Variants in POLA1 observed in about 807,000 individuals in gnomAD.
POLA1 encodes DNA polymerase alpha 1, catalytic subunit.
In POLA1, 15 loss-of-function variants were observed where a neutral mutation model predicts 124.0. The ratio of observed to expected loss-of-function variants is 0.12; its 90% confidence interval spans 0.08 to 0.19. The LOEUF is 0.19. Ranked by LOEUF, POLA1 falls within the 10% of genes least tolerant of loss-of-function variation. The pLI is 1.00. For missense variants in POLA1, 886 were observed against 1,103.4 expected, an observed-to-expected ratio of 0.80 and a Z score of 2.79; for synonymous variants, 408 against 389.4, an observed-to-expected ratio of 1.05 and a Z score of -0.56.
In POLA1 at chrX:24,971,527, C is replaced by T. The variant is rs181499134; in HGVS notation, c.4262-24278C>T. 3.6e-4 allele frequency among the ~76,000 whole-genome samples: 40 copies of T among 112,275 alleles called. No homozygotes were observed. The East Asian group carries it at 0.011, about 31-fold the overall frequency. ...GCTAGTGCAAAGCAACAAATCATAG[C>T]ATGGGCAGGGCAGGTTTTAAGAGTT... is the stretch of plus-strand genomic sequence containing the variant. On this transcript the variant is annotated intron_variant, in intron 36 of 36. Coordinates refer to ENST00000379068, the MANE Select transcript of POLA1 (RefSeq NM_001330360.2).
rs756421121 is a variant in POLA1 at position 24,930,557 on chromosome X, A to G, written c.4261+8A>G. 1.9e-6 allele frequency: 2 copies of G among 1,037,026 alleles called. No individual in the cohort carries two copies. The highest frequency in any genetic ancestry group is 4.4e-5 in the Admixed American group (2 of 45,848). The allele number at this position is 1,037,026 out of a possible 1,213,427, so 85.5% of individuals were successfully genotyped here. A position where few individuals can be genotyped will look rare whatever the true frequency, so the allele number is the denominator to read the frequency against. ...CTACCGATCATGAGAAAGGTACGTT[A>G]AAATACTGTAATTACCTTTGAGTTT... On this transcript the variant is annotated splice_region_variant and intron_variant, in intron 36 of 36. Transcript: ENST00000379068.
intron 20 of POLA1, 102 bp downstream of exon 20, chrX:24,739,652 T>C (rs1314629048): frequency 2.1e-6 from 1 of 478,140 alleles, no homozygotes; most frequent in Admixed American, 4.9e-5. Flanking sequence ...CCAGTGGTGT[T>C]GTAGAGGGGA....
rs768688546 is a variant in POLA1 at position 24,815,010 on chromosome X, A to T, written c.3328A>T (p.Ser1110Cys). The T allele has an allele frequency of 8.4e-7, 1 of 1,191,255 alleles. No individual in the cohort carries two copies. The highest frequency in any genetic ancestry group is 1.1e-6 in the Non-Finnish European group (1 of 884,056). The change falls in exon 30 of 37, where the codon AGC becomes TGC. Residue 1110 changes from serine to cysteine, a missense_variant. Physicochemically the swap from Ser to Cys is moderately radical, Grantham distance 112. Coordinates refer to ENST00000379068, the MANE Select transcript of POLA1 (RefSeq NM_001330360.2). Reference sequence around the variant, plus strand: ...GATTGGCCAGATTCTTTCTGATCAAAGCCGGGACACTATAGTGGAAAACAT... The same window carrying T: ...GATTGGCCAGATTCTTTCTGATCAATGCCGGGACACTATAGTGGAAAACAT... ...FVIGQILSDQ[S>C]RDTIVENIQK...
At chrX:24,971,318 G>A (rs919884235) in intron 36 of POLA1, among the ~76,000 whole-genome samples, 3 of 112,344 alleles carry the variant, frequency 2.7e-5, no homozygotes, top group African/African-American at 9.7e-5. Context: ...CCTGCTTTCA[G>A]TGCAGACTGT....
intron 30 of POLA1, among the ~76,000 whole-genome samples, chrX:24,815,540 G>A (rs1458524497): frequency 3.6e-5 from 4 of 111,657 alleles, no homozygotes; most frequent in Non-Finnish European, 7.5e-5. Flanking sequence ...CTTCACAGAT[G>A]GTGATTCTTT....
chrX:24,709,019 A>AC (rs1219753299), intron 4 of POLA1, among the ~76,000 whole-genome samples: 8 of 75,680 alleles, frequency 1.1e-4, no homozygotes, highest in East Asian at 4.4e-4. Context: ...AGGGGGGCTG[A>AC]CCCCCCCCAC....
At chrX:24,948,362 T>C (rs2047994027) in intron 36 of POLA1, among the ~76,000 whole-genome samples, 1 of 109,286 alleles carries the variant, frequency 9.2e-6, no homozygotes, top group African/African-American at 3.3e-5. Flanking sequence ...TTTTTTTTTT[T>C]CCTCCTTAAA....
intron 4 of POLA1, among the ~76,000 whole-genome samples, chrX:24,713,850 T>G (rs914517321): frequency 1.8e-5 from 2 of 112,351 alleles, no homozygotes; most frequent in African/African-American, 6.5e-5. Flanking sequence ...TCCCATTTCT[T>G]CACAGTTAAA....
chrX:24,956,425 A>G (rs1159159596), intron 36 of POLA1, among the ~76,000 whole-genome samples: 10 of 110,328 alleles, frequency 9.1e-5, no homozygotes, highest in Non-Finnish European at 1.7e-4. Flanking sequence ...GACTTTATAG[A>G]TTAGTGTAGG....
chrX:24,727,094 A>G, intron 14 of POLA1, 23 bp downstream of exon 14: 2 of 1,155,743 alleles, frequency 1.7e-6, no homozygotes, highest in Non-Finnish European at 2.3e-6. Context: ...ACATGCTCAG[A>G]ATGCTGAATA....
chrX:24,891,721 T>G (rs1192287038), intron 35 of POLA1, among the ~76,000 whole-genome samples: 2 of 112,147 alleles, frequency 1.8e-5, no homozygotes, highest in Non-Finnish European at 3.8e-5. Flanking sequence ...GGCACTTTGC[T>G]AGGTGCTAGA....
At chrX:24,744,447 T>C in intron 23 of POLA1, 1 of 338,030 alleles carries the variant, frequency 3.0e-6, no homozygotes, top group South Asian at 2.7e-5. Context: ...ATAGTGGACA[T>C]TTATTTTTAT....
chrX:24,704,706 G>A (rs113244427), intron 4 of POLA1, among the ~76,000 whole-genome samples: 5 of 111,938 alleles, frequency 4.5e-5, no homozygotes, highest in African/African-American at 1.6e-4. Context: ...AAGTAGTGTG[G>A]TCTTTACTTA....
chrX:24,755,909 G>A (rs1188419359), intron 26 of POLA1, among the ~76,000 whole-genome samples: 1 of 112,258 alleles, frequency 8.9e-6, no homozygotes, highest in Non-Finnish European at 1.9e-5. Flanking sequence ...GAACGTTCCT[G>A]TATTGTTCCT....
At chrX:24,919,809 TTTTTTTTTTTG>T (rs1490820317) in intron 35 of POLA1, among the ~76,000 whole-genome samples, 896 of 89,380 alleles carry the variant, frequency 0.01, 12 homozygotes, top group East Asian at 0.041. Context: ...TTTTTTTTTG[TTTTTTTTTTTG>T]TTTTTTTTTT....
chrX:24,731,991 G>C (rs1930935134), intron 15 of POLA1, among the ~76,000 whole-genome samples: 1 of 111,938 alleles, frequency 8.9e-6, no homozygotes, highest in African/African-American at 3.3e-5. Context: ...GTCTCACTCT[G>C]TCACCCATGC....
chrX:24,880,465 C>T, intron 34 of POLA1, among the ~76,000 whole-genome samples: 1 of 111,994 alleles, frequency 8.9e-6, no homozygotes, highest in Non-Finnish European at 1.9e-5. Context: ...ACTCTTTCAT[C>T]TCCTACCCTA....
intron 31 of POLA1, among the ~76,000 whole-genome samples, chrX:24,824,132 C>T: frequency 8.9e-6 from 1 of 111,853 alleles, no homozygotes; most frequent in East Asian, 2.8e-4. Flanking sequence ...CTGGTTGTCT[C>T]TCTGAAGTAT....
intron 26 of POLA1, 101 bp downstream of exon 26, chrX:24,749,093 A>G: frequency 1.7e-6 from 1 of 605,340 alleles, no homozygotes; most frequent in East Asian, 3.5e-5. Context: ...GTTGTACAGC[A>G]TCAAATACAG....
Sources: gnomAD v4.1 joint callset for allele counts (sites outside exome capture counted in the v4.1 genomes callset) on GRCh38, gnomAD v4.1.1 for gene constraint, MANE v1.5 for transcripts, NCBI Gene and HGNC (gene_info 2026-07-23, HGNC 2026-07-21) for gene names.